Variants in SHISA6 observed in about 807,000 individuals in gnomAD.
The protein encoded by SHISA6 is protein shisa-6.
SHISA6 carries 22 observed loss-of-function variants against 47.9 expected under a neutral mutation model. That is an observed-to-expected ratio of 0.46 (90% CI 0.33 to 0.66). The LOEUF (loss-of-function observed/expected upper bound fraction) is 0.66. Ranked by LOEUF, SHISA6 falls within the 30% of genes least tolerant of loss-of-function variation. SHISA6 has a pLI of 0.02. For synonymous variants in SHISA6, 388 were observed against 337.8 expected (o/e 1.15, Z -1.63); for missense variants, 680 against 764.6 (o/e 0.89, Z 1.30).
chr17:11,318,398 T>C (rs1910594021), intron 2 of SHISA6, among the ~76,000 whole-genome samples: 1 of 152,226 alleles, frequency 6.6e-6, no homozygotes, highest in Non-Finnish European at 1.5e-5. Context: ...TTTGGCTTCG[T>C]CCTGTGCCAA....
rs568702555 is a variant in SHISA6 at position 11,482,824 on chromosome 17, A to T, written c.896-69072A>T. Among the ~76,000 whole-genome samples the T allele has an allele frequency of 2.0e-5, 3 of 152,330 alleles. No individual in the cohort carries two copies. In the South Asian group the frequency reaches 6.2e-4, roughly 32 times the overall value. Reference sequence around the variant, plus strand: ...TTTTCCTCCTGTATGTAAATAAGTCATTAGGTACTGCTTCATTAATGACTG... The same window carrying T: ...TTTTCCTCCTGTATGTAAATAAGTCTTTAGGTACTGCTTCATTAATGACTG... On this transcript the variant is annotated intron_variant, in intron 3 of 5. Transcript: ENST00000441885.
chr17:11,254,859 C>T (rs775096791), intron 1 of SHISA6, among the ~76,000 whole-genome samples: 38 of 152,338 alleles, frequency 2.5e-4, no homozygotes, highest in Middle Eastern at 3.4e-3. Flanking sequence ...CCTCATGGGA[C>T]GTGGGTTCAA....
At chr17:11,495,708 G>A (rs1249457664) in intron 3 of SHISA6, among the ~76,000 whole-genome samples, 1 of 152,196 alleles carries the variant, frequency 6.6e-6, no homozygotes, top group Non-Finnish European at 1.5e-5. Flanking sequence ...GAAACAGGCC[G>A]GCCACCCTGC....
chr17:11,539,798 C>T (rs2071818065), intron 3 of SHISA6, among the ~76,000 whole-genome samples: 1 of 152,172 alleles, frequency 6.6e-6, no homozygotes, highest in African/African-American at 2.4e-5. Flanking sequence ...TGTTGTTATC[C>T]AGCTCAATCC....
At chr17:11,491,730 G>T (rs978324361) in intron 3 of SHISA6, among the ~76,000 whole-genome samples, 29 of 151,268 alleles carry the variant, frequency 1.9e-4, no homozygotes, top group African/African-American at 7.0e-4. Context: ...TAGAAAATTT[G>T]GTCCAGTGTG....
At chr17:11,479,082 T>G (rs1390707142) in intron 3 of SHISA6, among the ~76,000 whole-genome samples, 1 of 152,118 alleles carries the variant, frequency 6.6e-6, no homozygotes. Flanking sequence ...TAAAAACCTT[T>G]TTTTTAATGG....
In SHISA6 at chr17:11,542,639, C is replaced by A. The variant is rs530993039; in HGVS notation, c.896-9257C>A. Among the ~76,000 whole-genome samples the A allele has an allele frequency of 2.8e-3, 422 of 152,172 alleles. 1 individual carries two copies. Among genetic ancestry groups the A allele is most frequent in the African/African-American group, 9.6e-3 (397 of 41,512 alleles). The stretch of plus-strand genomic sequence containing the variant: ...TGAAATAGGTTCTAAAATTCTTTTA[C>A]CCCGAGATAAAGGGAGTTATTTGTT... On this transcript the variant is annotated intron_variant, in intron 3 of 5. Coordinates refer to ENST00000441885, the MANE Select transcript of SHISA6 (RefSeq NM_207386.4).
intron 3 of SHISA6, among the ~76,000 whole-genome samples, chr17:11,504,199 A>G (rs1044234950): frequency 6.6e-6 from 1 of 152,192 alleles, no homozygotes; most frequent in Non-Finnish European, 1.5e-5. Flanking sequence ...GGCTGGCTTC[A>G]TGGGCTTTGC....
intron 3 of SHISA6, among the ~76,000 whole-genome samples, chr17:11,492,418 A>T (rs1292228963): frequency 1.3e-5 from 2 of 152,236 alleles, no homozygotes; most frequent in Non-Finnish European, 2.9e-5. Flanking sequence ...TTTAGAAATC[A>T]TACTGACTTG....
At chr17:11,478,969 T>A (rs918210774) in intron 3 of SHISA6, among the ~76,000 whole-genome samples, 1 of 152,118 alleles carries the variant, frequency 6.6e-6, no homozygotes, top group African/African-American at 2.4e-5. Flanking sequence ...AAGTCATTGG[T>A]AGCTTCCATG....
chr17:11,554,215 C>T (rs1395180991), intron 4 of SHISA6, among the ~76,000 whole-genome samples: 1 of 152,156 alleles, frequency 6.6e-6, no homozygotes, highest in African/African-American at 2.4e-5. Flanking sequence ...TCCCAAGTTC[C>T]TGCTCACTCC....
At chr17:11,357,271 A>T (rs1912111711) in intron 2 of SHISA6, among the ~76,000 whole-genome samples, 1 of 151,788 alleles carries the variant, frequency 6.6e-6, no homozygotes, top group South Asian at 2.1e-4. Flanking sequence ...TGGTGGTAAG[A>T]GGAGGCTGTG....
At chr17:11,514,008 T>C (rs1358205055) in intron 3 of SHISA6, among the ~76,000 whole-genome samples, 3 of 152,134 alleles carry the variant, frequency 2.0e-5, no homozygotes, top group Non-Finnish European at 4.4e-5. Flanking sequence ...GAGTAGGTGA[T>C]AGGTTTGAAA....
intron 3 of SHISA6, among the ~76,000 whole-genome samples, chr17:11,480,161 C>T (rs1346989746): frequency 1.3e-5 from 2 of 152,138 alleles, no homozygotes; most frequent in Non-Finnish European, 1.5e-5. Context: ...GTGATTCTTA[C>T]CTTTGTTCCT....
chr17:11,277,406 A>G (rs62062007), intron 2 of SHISA6, among the ~76,000 whole-genome samples: 16,019 of 151,914 alleles, frequency 0.11, 1,008 homozygotes, highest in East Asian at 0.16. Context: ...TGATAAGCAA[A>G]TCAATAATGA....
chr17:11,486,203 T>C (rs1033068863), intron 3 of SHISA6, among the ~76,000 whole-genome samples: 13 of 152,198 alleles, frequency 8.5e-5, no homozygotes, highest in Admixed American at 7.2e-4. Flanking sequence ...CGTGGCGCTG[T>C]GTGCTCTGGA....
chr17:11,408,550 A>G (rs965424223), intron 3 of SHISA6, among the ~76,000 whole-genome samples: 11 of 152,352 alleles, frequency 7.2e-5, no homozygotes, highest in African/African-American at 2.6e-4. Context: ...TCATTTAAGT[A>G]TCTTGTCCTC....
intron 3 of SHISA6, among the ~76,000 whole-genome samples, chr17:11,383,038 A>G (rs1286739570): frequency 1.3e-5 from 2 of 148,848 alleles, no homozygotes; most frequent in Admixed American, 1.4e-4. Context: ...CCCGGGTCCA[A>G]GCAATTCTTC....
At chr17:11,458,083 TAA>T (rs56304029) in intron 3 of SHISA6, among the ~76,000 whole-genome samples, 31 of 114,476 alleles carry the variant, frequency 2.7e-4, no homozygotes, top group African/African-American at 4.0e-4. Context: ...AGACTCTGTC[TAA>T]AAAAAAAAAA....
Sources: gnomAD v4.1 joint callset for allele counts (sites outside exome capture counted in the v4.1 genomes callset) on GRCh38, gnomAD v4.1.1 for gene constraint, MANE v1.5 for transcripts, NCBI Gene and HGNC (gene_info 2026-07-23, HGNC 2026-07-21) for gene names.